GCNT2: variants seen among roughly 807,000 people sequenced by gnomAD.
GCNT2 encodes the protein N-acetyllactosaminide beta-1,6-N-acetylglucosaminyl-transferase.
A neutral mutation model predicts 34.2 loss-of-function variants in GCNT2; 34 were observed. The ratio of observed to expected loss-of-function variants is 1.00; its 90% CI spans 0.76 to 1.32. The LOEUF (loss-of-function observed/expected upper bound fraction) is 1.32, where lower values mean the gene tolerates loss of function less well. Ranked by LOEUF, GCNT2 falls within the 40% of genes most tolerant of loss-of-function variation. The pLI is 0.00. For synonymous variants in GCNT2, 212 were observed against 188.0 expected (o/e 1.13, Z -1.04); for missense variants, 584 against 489.4 (o/e 1.19, Z -1.82).
At chr6:10,603,492 G>A (rs191455656) in intron 3 of GCNT2, among the ~76,000 whole-genome samples, 4 of 152,292 alleles carry the variant, frequency 2.6e-5, no homozygotes, top group Non-Finnish European at 5.9e-5. Flanking sequence ...GATGCAGACA[G>A]GGGAGGGAAA....
chr6:10,599,301 G>A (rs17576994), intron 3 of GCNT2, among the ~76,000 whole-genome samples: 75,377 of 152,002 alleles, frequency 0.5, 18,806 homozygotes, highest in Admixed American at 0.62. Flanking sequence ...GGAGCCAACA[G>A]CAATCCCAGG....
At chr6:10,536,722 G>C (rs984792843) in intron 3 of GCNT2, among the ~76,000 whole-genome samples, 1 of 84,866 alleles carries the variant, frequency 1.2e-5, no homozygotes, top group Non-Finnish European at 2.3e-5. Flanking sequence ...TTTTTTTTTT[G>C]AGATGGAGTC....
At chr6:10,586,460 GTC>G (rs767443894) in intron 3 of GCNT2, 8 of 1,614,098 alleles carry the variant, frequency 5.0e-6, no homozygotes, top group South Asian at 1.1e-5. Flanking sequence ...CAAAGACAGA[GTC>G]TGTGGTTTAT....
At chr6:10,610,494 G>A (rs1055125881) in intron 3 of GCNT2, among the ~76,000 whole-genome samples, 2 of 152,154 alleles carry the variant, frequency 1.3e-5, no homozygotes, top group Non-Finnish European at 2.9e-5. Context: ...AATGAAATCT[G>A]AACTGCTCTG....
At chr6:10,571,008 A>C (rs1326842798) in intron 3 of GCNT2, among the ~76,000 whole-genome samples, 1 of 152,174 alleles carries the variant, frequency 6.6e-6, no homozygotes, top group African/African-American at 2.4e-5. Flanking sequence ...CCTCCTCTTT[A>C]TTCTATGCTG....
chr6:10,532,845 A>C (rs1020735432), intron 3 of GCNT2, among the ~76,000 whole-genome samples: 3 of 147,588 alleles, frequency 2.0e-5, no homozygotes, highest in Non-Finnish European at 4.5e-5. Flanking sequence ...TATTCCGGCT[A>C]TGTGGAGATC....
At position 10,626,408 on chromosome 6, in the gene GCNT2, C is replaced by T. The variant is rs768874665; in HGVS notation, c.1019-9C>T. 2.5e-6 allele frequency: 4 copies of T among 1,604,262 alleles called. No homozygotes were observed. Among genetic ancestry groups the T allele is most frequent in the Non-Finnish European group, 3.4e-6 (4 of 1,171,210 alleles). On this transcript the variant is annotated splice_polypyrimidine_tract_variant and intron_variant, in intron 4 of 4. Coordinates refer to ENST00000495262, the MANE Select transcript of GCNT2 (RefSeq NM_145649.5). The stretch of plus-strand genomic sequence containing the variant: ...GTTTTGACTCTGTTTCTTGTTCTTT[C>T]TTTTGCAGGCCACTATGTACATGGT...
At chr6:10,592,853 G>A (rs922106267) in intron 3 of GCNT2, among the ~76,000 whole-genome samples, 6 of 151,948 alleles carry the variant, frequency 3.9e-5, no homozygotes, top group Non-Finnish European at 8.8e-5. Context: ...CAATTCTCCT[G>A]CCTCAGCCTC....
intron 3 of GCNT2, among the ~76,000 whole-genome samples, chr6:10,608,170 C>T (rs1180002195): frequency 6.6e-6 from 1 of 151,484 alleles, no homozygotes; most frequent in Non-Finnish European, 1.5e-5. Context: ...CTCTGCCTCC[C>T]GGGTTCAAGT....
intron 3 of GCNT2, among the ~76,000 whole-genome samples, chr6:10,582,218 ATAAT>A (rs1449484009): frequency 2.4e-5 from 3 of 125,982 alleles, no homozygotes; most frequent in South Asian, 2.3e-4. Context: ...TATTATATAT[ATAAT>A]TATATATATT....
At chr6:10,542,893 C>CTTTTTTTTTTTTTTTT (rs869251646) in intron 3 of GCNT2, among the ~76,000 whole-genome samples, 8 of 82,264 alleles carry the variant, frequency 9.7e-5, no homozygotes, top group Non-Finnish European at 1.4e-4. Flanking sequence ...TATGTTAATT[C>CTTTTTTTTTTTTTTTT]TTTTTTTTTT....
intron 4 of GCNT2, among the ~76,000 whole-genome samples, chr6:10,622,591 A>G (rs1381484568): frequency 1.3e-5 from 2 of 152,114 alleles, no homozygotes; most frequent in Non-Finnish European, 2.9e-5. Context: ...ATATGAATTT[A>G]GAGAGACAAA....
At chr6:10,592,335 A>G (rs1464044750) in intron 3 of GCNT2, among the ~76,000 whole-genome samples, 3 of 152,198 alleles carry the variant, frequency 2.0e-5, no homozygotes, top group Non-Finnish European at 4.4e-5. Flanking sequence ...ATATTGCGTT[A>G]GTGATGTGGA....
chr6:10,627,575 A>G lies in GCNT2; in HGVS notation c.*968A>G, dbSNP rs975703225. 1.3e-5 allele frequency: 2 copies of G among 152,202 alleles called. No individual in the cohort carries two copies. Among genetic ancestry groups the G allele is most frequent in the East Asian group, 1.9e-4 (1 of 5,196 alleles). The allele number at this position is 152,202 out of a possible 1,614,324, so 9.4% of individuals were successfully genotyped here. ...GATTTTTAAGAGCCTTCAATTGTAG[A>G]TGAACATCTCTGTTATTTATCCCTC... On this transcript the variant is annotated 3_prime_UTR_variant, in exon 5 of 5. Coordinates refer to ENST00000495262, the MANE Select transcript of GCNT2 (RefSeq NM_145649.5).
chr6:10,546,408 C>T (rs1173007971), intron 3 of GCNT2, among the ~76,000 whole-genome samples: 1 of 152,152 alleles, frequency 6.6e-6, no homozygotes, highest in Admixed American at 6.5e-5. Context: ...ACTGTAATCC[C>T]AGCACTTTGG....
At chr6:10,587,324 T>G (rs536235750) in intron 3 of GCNT2, among the ~76,000 whole-genome samples, 1 of 152,340 alleles carries the variant, frequency 6.6e-6, no homozygotes, top group South Asian at 2.1e-4. Context: ...GTCTCATTGC[T>G]CAAAGTTCAT....
At chr6:10,524,102 C>G (rs1246739346) in intron 1 of GCNT2, among the ~76,000 whole-genome samples, 1 of 151,782 alleles carries the variant, frequency 6.6e-6, no homozygotes, top group East Asian at 1.9e-4. Context: ...CATGCTGGAT[C>G]TTGGTTTGTT....
chr6:10,537,570 G>C (rs548699918), intron 3 of GCNT2, among the ~76,000 whole-genome samples: 1 of 151,366 alleles, frequency 6.6e-6, no homozygotes, highest in South Asian at 2.1e-4. Flanking sequence ...GCGTGGTGGC[G>C]GGCACCTGTA....
chr6:10,588,873 G>C (rs1371563522), intron 3 of GCNT2, among the ~76,000 whole-genome samples: 1 of 120,252 alleles, frequency 8.3e-6, no homozygotes, highest in Non-Finnish European at 1.8e-5. Context: ...ATGTGTGTGG[G>C]GTATGTGTGT....
Sources: allele counts gnomAD v4.1 joint callset (sites outside exome capture counted in the v4.1 genomes callset), GRCh38; gene constraint gnomAD v4.1.1; transcripts MANE v1.5; gene names NCBI Gene and HGNC (gene_info 2026-07-23, HGNC 2026-07-21).